Variants in GRM7 observed in about 807,000 individuals in gnomAD.
GRM7 encodes glutamate metabotropic receptor 7, also known as metabotropic glutamate receptor 7.
Under a neutral mutation model 84.5 loss-of-function variants are expected in GRM7, and 35 were observed. The ratio of observed to expected loss-of-function variants is 0.41; its 90% confidence interval spans 0.32 to 0.55. GRM7 has a LOEUF of 0.55. Ranked by LOEUF, GRM7 falls within the 20% of genes least tolerant of loss-of-function variation. The probability of loss-of-function intolerance (pLI) is 0.19; values close to 1 mark genes in which losing one functional copy is unlikely to be tolerated. For synonymous variants in GRM7, 487 were observed against 455.1 expected (o/e 1.07, Z -0.89); for missense variants, 1,003 against 1,194.6 (o/e 0.84, Z 2.36).
At chr3:7,721,825 A>G (rs1383983592) in intron 9 of GRM7, among the ~76,000 whole-genome samples, 1 of 152,214 alleles carries the variant, frequency 6.6e-6, no homozygotes, top group African/African-American at 2.4e-5. Context: ...ATTCTATAGA[A>G]TAAGAAACTG....
chr3:6,938,770 C>CA (rs1329456626), intron 1 of GRM7, among the ~76,000 whole-genome samples: 1 of 151,776 alleles, frequency 6.6e-6, no homozygotes, highest in Non-Finnish European at 1.5e-5. Flanking sequence ...AAAAGCCTGA[C>CA]AAAAAAATGA....
At chr3:7,555,415 G>C (rs1426235452) in intron 7 of GRM7, among the ~76,000 whole-genome samples, 1 of 152,078 alleles carries the variant, frequency 6.6e-6, no homozygotes, top group Non-Finnish European at 1.5e-5. Flanking sequence ...CTGGTTTAGG[G>C]CTCCCATGAC....
chr3:6,867,992 A>T (rs1305168793), intron 1 of GRM7, among the ~76,000 whole-genome samples: 1 of 152,244 alleles, frequency 6.6e-6, no homozygotes, highest in Non-Finnish European at 1.5e-5. Flanking sequence ...GATATAGGAT[A>T]TATGTCACAT....
intron 1 of GRM7, among the ~76,000 whole-genome samples, chr3:7,095,349 T>A (rs1698820381): frequency 6.6e-6 from 1 of 152,158 alleles, no homozygotes; most frequent in South Asian, 2.1e-4. Context: ...TCCTACTTTC[T>A]TTTTCAAGCA....
At chr3:7,050,016 A>G (rs1391232596) in intron 1 of GRM7, among the ~76,000 whole-genome samples, 2 of 151,898 alleles carry the variant, frequency 1.3e-5, no homozygotes, top group Non-Finnish European at 2.9e-5. Context: ...TCAGGAAAGT[A>G]TCATGGCTAT....
intron 4 of GRM7, among the ~76,000 whole-genome samples, chr3:7,387,755 G>T (rs149007442): frequency 6.6e-6 from 1 of 152,184 alleles, no homozygotes; most frequent in African/African-American, 2.4e-5. Context: ...GCTTAGGATT[G>T]CCGTGGCTAT....
At position 7,738,153 on chromosome 3, in the gene GRM7, C is replaced by A. The variant is rs542028827; in HGVS notation, c.2699-2204C>A. ...CATGAGCAACCATACCCGGCCTCTCCCAATTTTACAAAGGCTACAACGAGT... is the reference window on the plus strand; with the variant it reads ...CATGAGCAACCATACCCGGCCTCTCACAATTTTACAAAGGCTACAACGAGT... On this transcript the variant is annotated intron_variant, in intron 9 of 9. Coordinates refer to ENST00000357716, the MANE Select transcript of GRM7 (RefSeq NM_000844.4). Among the ~76,000 whole-genome samples, 6 of 152,174 alleles carry A rather than the reference C, an allele frequency of 3.9e-5. No individual in the cohort carries two copies. In the East Asian group the frequency reaches 1.2e-3, roughly 29 times the overall value.
chr3:7,506,912 T>C (rs1324670231), intron 7 of GRM7, among the ~76,000 whole-genome samples: 1 of 152,068 alleles, frequency 6.6e-6, no homozygotes, highest in Non-Finnish European at 1.5e-5. Flanking sequence ...GGGGAAACAT[T>C]CAAACCACTG....
chr3:7,311,043 A>G, intron 4 of GRM7, among the ~76,000 whole-genome samples: 1 of 152,132 alleles, frequency 6.6e-6, no homozygotes, highest in East Asian at 1.9e-4. Flanking sequence ...ATAATTAGTT[A>G]TTCTTTGTAT....
intron 7 of GRM7, among the ~76,000 whole-genome samples, chr3:7,517,549 T>C (rs1700439271): frequency 6.6e-6 from 1 of 152,206 alleles, no homozygotes; most frequent in South Asian, 2.1e-4. Context: ...CCTGCCACCA[T>C]ACCTAGCCAA....
At chr3:7,465,610 C>T (rs1198712974) in intron 7 of GRM7, among the ~76,000 whole-genome samples, 2 of 152,012 alleles carry the variant, frequency 1.3e-5, no homozygotes, top group Admixed American at 6.5e-5. Context: ...TTTGGGCAAA[C>T]GGTTTTGTAG....
At chr3:7,287,157 G>A (rs978103743) in intron 2 of GRM7, among the ~76,000 whole-genome samples, 5 of 152,074 alleles carry the variant, frequency 3.3e-5, no homozygotes, top group African/African-American at 1.2e-4. Flanking sequence ...CATCTATTTT[G>A]CAAATAAGTA....
intron 4 of GRM7, among the ~76,000 whole-genome samples, chr3:7,368,865 C>T (rs1237350319): frequency 6.8e-6 from 1 of 146,786 alleles, no homozygotes; most frequent in Non-Finnish European, 1.5e-5. Context: ...TAATAGTGGC[C>T]TGTTACAAAC....
intron 1 of GRM7, among the ~76,000 whole-genome samples, chr3:7,121,343 ATC>A (rs1693212156): frequency 2.0e-5 from 3 of 149,326 alleles, no homozygotes; most frequent in African/African-American, 7.4e-5. Flanking sequence ...TCATCCATCC[ATC>A]CATCCATCCA....
chr3:7,588,291 T>G (rs1420830056), intron 8 of GRM7, among the ~76,000 whole-genome samples: 1 of 152,150 alleles, frequency 6.6e-6, no homozygotes, highest in Non-Finnish European at 1.5e-5. Context: ...ACTTGGGGCG[T>G]AAGAGTTCAG....
chr3:7,196,940 T>C (rs1222472431), intron 2 of GRM7, among the ~76,000 whole-genome samples: 1 of 152,178 alleles, frequency 6.6e-6, no homozygotes, highest in African/African-American at 2.4e-5. Context: ...CTCATGATCA[T>C]TGAAAACATT....
At chr3:7,340,951 G>A (rs1412909675) in intron 4 of GRM7, among the ~76,000 whole-genome samples, 1 of 152,208 alleles carries the variant, frequency 6.6e-6, no homozygotes, top group Non-Finnish European at 1.5e-5. Flanking sequence ...GCTTGTACCT[G>A]GCACCTGCAG....
chr3:7,589,954 C>T (rs1330796430), intron 8 of GRM7, among the ~76,000 whole-genome samples: 4 of 152,082 alleles, frequency 2.6e-5, no homozygotes, highest in Non-Finnish European at 1.5e-5. Flanking sequence ...TCCCTTCATA[C>T]AGGTCTAAAA....
chr3:7,216,769 G>C (rs1696627541), intron 2 of GRM7, among the ~76,000 whole-genome samples: 1 of 152,016 alleles, frequency 6.6e-6, no homozygotes, highest in Non-Finnish European at 1.5e-5. Context: ...GTTTTTGTTT[G>C]TTTGTTTTGC....
Sources: allele counts gnomAD v4.1 joint callset (sites outside exome capture counted in the v4.1 genomes callset), GRCh38; gene constraint gnomAD v4.1.1; transcripts MANE v1.5; gene names NCBI Gene and HGNC (gene_info 2026-07-23, HGNC 2026-07-21).